ANK3: variants seen among roughly 807,000 people sequenced by gnomAD.
ANK3 encodes the protein ankyrin-3.
ANK3 carries 57 observed loss-of-function variants against 370.9 expected under a neutral mutation model. That is an observed-to-expected ratio of 0.15 (90% CI 0.12 to 0.19). The LOEUF is 0.19. Ranked by LOEUF, ANK3 falls within the 10% of genes least tolerant of loss-of-function variation. The pLI is 1.00. For synonymous variants in ANK3, 1,929 were observed against 1,946.3 expected (o/e 0.99, Z 0.23); for missense variants, 4,439 against 5,302.1 (o/e 0.84, Z 5.06).
chr10:60,615,144 CA>C, intron 2 of ANK3: 2 of 1,330,704 alleles, frequency 1.5e-6, no homozygotes, highest in Admixed American at 2.7e-5. Context: ...CTTGTCCACA[CA>C]AAATAATATA....
rs773857006 is a variant in ANK3 at position 60,074,526 on chromosome 10, C to T, written c.6355G>A (p.Asp2119Asn). Residue 2119 changes from aspartate (D) to asparagine (N), a missense_variant, in exon 37 of 44, where the codon GAC (aspartate) becomes AAC (asparagine). Physicochemically the swap from Asp to Asn is conservative, Grantham distance 23. This residue lies in a region of ANK3 where 679 missense variants were observed against 791.0 expected (regional missense o/e 0.86). Transcript: ENST00000280772. ...LESPDDFSQHDQDKSPLSDSG... is the reference protein window; with the variant it reads ...LESPDDFSQHNQDKSPLSDSG... ...TCAGACAAGGGACTTTTATCTTGGT[C>T]GTGTTGAGAAAAGTCATCAGGAGAC... The T allele has an allele frequency of 2.5e-6, 4 of 1,613,612 alleles. No individual in the cohort carries two copies. Among genetic ancestry groups the T allele is most frequent in the Admixed American group, 1.7e-5 (1 of 59,942 alleles).
intron 8 of ANK3, among the ~76,000 whole-genome samples, chr10:60,218,270 C>T (rs115859124): frequency 0.017 from 2,647 of 152,040 alleles, 80 homozygotes; most frequent in African/African-American, 0.061. Flanking sequence ...TGTGGCCTTT[C>T]GCCCATTTAT....
intron 1 of ANK3, among the ~76,000 whole-genome samples, chr10:60,287,556 A>C (rs1305871796): frequency 6.6e-6 from 1 of 152,222 alleles, no homozygotes; most frequent in Non-Finnish European, 1.5e-5. Context: ...AGCATTTTAC[A>C]TGTATTATTA....
intron 1 of ANK3, among the ~76,000 whole-genome samples, chr10:60,687,231 A>G (rs191597364): frequency 2.8e-4 from 43 of 152,270 alleles, no homozygotes; most frequent in Non-Finnish European, 5.9e-4. Flanking sequence ...ATCCCCTCTC[A>G]ATAGTTTATT....
chr10:60,412,670 C>A (rs148129055), intron 2 of ANK3, among the ~76,000 whole-genome samples: 377 of 152,322 alleles, frequency 2.5e-3, no homozygotes, highest in Non-Finnish European at 3.7e-3. Context: ...TATTAGGAAG[C>A]TTTAGCCATA....
intron 2 of ANK3, among the ~76,000 whole-genome samples, chr10:60,565,888 T>A (rs537220944): frequency 1.8e-4 from 28 of 152,332 alleles, no homozygotes; most frequent in African/African-American, 6.3e-4. Context: ...CTACACAGAT[T>A]GGTTTAACAT....
At chr10:60,538,495 C>A (rs1391031779) in intron 2 of ANK3, among the ~76,000 whole-genome samples, 1 of 151,852 alleles carries the variant, frequency 6.6e-6, no homozygotes, top group East Asian at 1.9e-4. Context: ...TAAAAGCCTA[C>A]CTCTTCATCA....
Position 60,453,284 on chromosome 10 carries a change from C to A in ANK3, c.96+161902G>T, listed in dbSNP as rs143693686. On this transcript the variant is annotated intron_variant, in intron 2 of 43. Transcript: ENST00000373827. ...CACTGCTGGCAAGTGCCAGCACAGACCGGGGGCTCTTTTCACCCTCTTTCA... is the reference window on the plus strand; with the variant it reads ...CACTGCTGGCAAGTGCCAGCACAGAACGGGGGCTCTTTTCACCCTCTTTCA... Among the ~76,000 whole-genome samples, 877 of 152,278 alleles carry A rather than the reference C, an allele frequency of 5.8e-3. 4 individuals carry two copies. The highest frequency in any genetic ancestry group is 0.01 in the Middle Eastern group (3 of 294).
At chr10:60,397,039 AG>A (rs2063255654) in intron 2 of ANK3, among the ~76,000 whole-genome samples, 1 of 152,178 alleles carries the variant, frequency 6.6e-6, no homozygotes, top group South Asian at 2.1e-4. Flanking sequence ...AAAGGTACAA[AG>A]GAGATTGTAT....
intron 23 of ANK3, among the ~76,000 whole-genome samples, chr10:60,152,194 T>C (rs1169109013): frequency 6.6e-6 from 1 of 152,152 alleles, no homozygotes; most frequent in East Asian, 1.9e-4. Context: ...ACTAGTCTAG[T>C]TTGAAAGAAA....
chr10:60,532,079 T>G lies in ANK3; in HGVS notation c.96+83107A>C, dbSNP rs150265298. ...GCAGGTGAAACACAGGAATGAATAT[T>G]GTTTAAAAGCCTGATTCTGACACAC... is the stretch of plus-strand genomic sequence containing the variant. On this transcript the variant is annotated intron_variant, in intron 2 of 43. Transcript: ENST00000373827. Among the ~76,000 whole-genome samples the G allele has an allele frequency of 6.3e-3, 962 of 152,212 alleles. 1 individual carries two copies. Among genetic ancestry groups the G allele is most frequent in the Middle Eastern group, 0.014 (4 of 294 alleles).
At chr10:60,294,011 T>C (rs903035139) in intron 1 of ANK3, among the ~76,000 whole-genome samples, 2 of 152,222 alleles carry the variant, frequency 1.3e-5, no homozygotes, top group African/African-American at 4.8e-5. Context: ...CCTTATTATG[T>C]AGGAGGCATT....
Position 60,071,093 on chromosome 10 carries a change from T to C in ANK3, c.9788A>G (p.Asp3263Gly), listed in dbSNP as rs751490583. Residue 3263 changes from aspartate (D) to glycine (G), a missense_variant, in exon 37 of 44, where the codon GAC becomes GGC. Coordinates refer to ENST00000280772, the MANE Select transcript of ANK3 (RefSeq NM_020987.5). ...EFPPPPPLDA[D>G]QIESDKKHHY... is the part of the protein sequence containing the mutation. ...ATGCTTCTTATCTGACTCAATCTGG[T>C]CCGCATCCAGTGGTGGAGGAGGGGG... 6.2e-7 allele frequency: 1 copy of C among 1,614,138 alleles called. No individual in the cohort carries two copies. Among genetic ancestry groups the C allele is most frequent in the South Asian group, 1.1e-5 (1 of 91,076 alleles).
At chr10:60,233,029 A>G (rs1049179083) in intron 8 of ANK3, among the ~76,000 whole-genome samples, 1 of 152,204 alleles carries the variant, frequency 6.6e-6, no homozygotes, top group Non-Finnish European at 1.5e-5. Context: ...CGATAGATGG[A>G]TGTTTGTCGT....
chr10:60,200,126 T>C lies in ANK3; in HGVS notation c.1491+3A>G. ...TCAAACACTTGTCAAGTATTGCGCATACCTTAGCTTTAGCTTCTACCTGAG... is the reference window on the plus strand; with the variant it reads ...TCAAACACTTGTCAAGTATTGCGCACACCTTAGCTTTAGCTTCTACCTGAG... On this transcript the variant is annotated splice_donor_region_variant and intron_variant, in intron 13 of 43. Transcript: ENST00000280772. The C allele has an allele frequency of 1.2e-6, 2 of 1,612,852 alleles. No individual in the cohort carries two copies. The highest frequency in any genetic ancestry group is 1.7e-6 in the Non-Finnish European group (2 of 1,178,852).
In ANK3 at chr10:60,335,074, A is replaced by AT. The variant is rs1249182571; in HGVS notation, c.114+54350_114+54351insA. Among the ~76,000 whole-genome samples, 5 of 152,134 alleles carry AT rather than the reference A, an allele frequency of 3.3e-5. No homozygotes were observed. In the East Asian group the frequency reaches 9.6e-4, roughly 29 times the overall value. On this transcript the variant is annotated intron_variant, in intron 1 of 43. Coordinates refer to ENST00000280772, the MANE Select transcript of ANK3 (RefSeq NM_020987.5). Reference sequence around the variant, plus strand: ...ATTTCAACTTACACCATGTTGAGAAAATGGATTTTAAGAAAAATGTGCATG... The same window carrying AT: ...ATTTCAACTTACACCATGTTGAGAAATATGGATTTTAAGAAAAATGTGCATG...
intron 2 of ANK3, among the ~76,000 whole-genome samples, chr10:60,536,890 TA>T (rs1447936847): frequency 6.6e-6 from 1 of 152,138 alleles, no homozygotes; most frequent in East Asian, 1.9e-4. Context: ...TATGCGAGAA[TA>T]AATCATGCTT....
At chr10:60,055,452 C>T (rs1468316720) in intron 42 of ANK3, among the ~76,000 whole-genome samples, 1 of 152,046 alleles carries the variant, frequency 6.6e-6, no homozygotes, top group Non-Finnish European at 1.5e-5. Context: ...AACGAAATGG[C>T]ATACATTTTA....
At chr10:60,716,762 T>A (rs1357351898) in intron 1 of ANK3, among the ~76,000 whole-genome samples, 2 of 152,174 alleles carry the variant, frequency 1.3e-5, no homozygotes, top group Non-Finnish European at 2.9e-5. Context: ...GTGATCCTCC[T>A]GCCTTGGCCT....
Sources: allele counts gnomAD v4.1 joint callset (sites outside exome capture counted in the v4.1 genomes callset), GRCh38; gene constraint gnomAD v4.1.1; regional missense constraint gnomAD v4.1.1; transcripts MANE v1.5; gene names NCBI Gene and HGNC (gene_info 2026-07-23, HGNC 2026-07-21).